The following FNDC3B variants were observed in gnomAD, a reference collection of about 807,000 sequenced individuals.
The protein encoded by FNDC3B is fibronectin type III domain containing 3B, also known as fibronectin type III domain-containing protein 3B.
Under a neutral mutation model 151.5 loss-of-function variants are expected in FNDC3B, and 12 were observed. The observed-to-expected ratio is 0.08, with a 90% confidence interval of 0.05 to 0.13. The LOEUF (loss-of-function observed/expected upper bound fraction) is 0.13. Ranked by LOEUF, FNDC3B falls within the 10% of genes least tolerant of loss-of-function variation. The probability of loss-of-function intolerance (pLI) is 1.00; values close to 1 mark genes in which losing one functional copy is unlikely to be tolerated. For missense variants in FNDC3B, 1,214 were observed against 1,505.3 expected, an observed-to-expected ratio of 0.81 and a Z score of 3.20; for synonymous variants, 528 against 549.0, an observed-to-expected ratio of 0.96 and a Z score of 0.54.
chr3:172,397,385 T>G lies in FNDC3B; in HGVS notation c.3525T>G (p.Thr1175=). ...DDPKMKSMMP[T]DEQFAAIIVL... is the part of the protein sequence containing the mutation. ...CCAAAATGAAGAGCATGATGCCTACTGATGAACAGTTTGCAGCCATCATTG... is the reference window on the plus strand; with the variant it reads ...CCAAAATGAAGAGCATGATGCCTACGGATGAACAGTTTGCAGCCATCATTG... The change falls in exon 26 of 26, where the codon ACT becomes ACG. Residue 1175 remains threonine (T), a synonymous_variant. Transcript: ENST00000415807. The G allele has an allele frequency of 6.2e-7, 1 of 1,614,170 alleles. No homozygotes were observed. Among genetic ancestry groups the G allele is most frequent in the Non-Finnish European group, 8.5e-7 (1 of 1,179,992 alleles).
At chr3:172,237,023 A>G (rs991215060) in intron 4 of FNDC3B, among the ~76,000 whole-genome samples, 1 of 152,220 alleles carries the variant, frequency 6.6e-6, no homozygotes, top group Non-Finnish European at 1.5e-5. Context: ...TAAGACTTAA[A>G]TAAGTGTGAA....
At chr3:172,174,940 C>T (rs576468330) in intron 3 of FNDC3B, among the ~76,000 whole-genome samples, 2 of 62,432 alleles carry the variant, frequency 3.2e-5, no homozygotes, top group African/African-American at 8.8e-5. Context: ...GCCACCCCCC[C>T]CCCCCCAATA....
At chr3:172,303,228 G>A (rs545632007) in intron 9 of FNDC3B, among the ~76,000 whole-genome samples, 4 of 152,152 alleles carry the variant, frequency 2.6e-5, no homozygotes, top group Admixed American at 6.5e-5. Context: ...CTTTATCAGC[G>A]ATAGGATAAT....
chr3:172,077,711 A>C (rs1326780471), intron 1 of FNDC3B, among the ~76,000 whole-genome samples: 1 of 151,420 alleles, frequency 6.6e-6, no homozygotes, highest in Admixed American at 6.6e-5. Context: ...GTTTATAGAA[A>C]TATTTGACTT....
Position 172,307,388 on chromosome 3 carries a change from A to C in FNDC3B, c.1087A>C (p.Lys363Gln). The C allele has an allele frequency of 6.2e-7, 1 of 1,614,106 alleles. No individual in the cohort carries two copies. The highest frequency in any genetic ancestry group is 8.5e-7 in the Non-Finnish European group (1 of 1,180,006). ...VRVYAMYNSV[K>Q]GSCSEPVSFT... The stretch of plus-strand genomic sequence containing the variant: ...GGTGTATGCCATGTACAATTCCGTA[A>C]AGGGATCCTGCTCCGAGCCTGTTAG... Residue 363 changes from lysine to glutamine, a missense_variant, in exon 10 of 26, where the codon AAG (lysine) becomes CAG (glutamine). Physicochemically the swap from Lys to Gln is moderately conservative, Grantham distance 53 (BLOSUM62 1). Transcript: ENST00000415807.
intron 25 of FNDC3B, among the ~76,000 whole-genome samples, chr3:172,391,682 A>T (rs1736015003): frequency 6.6e-6 from 1 of 152,236 alleles, no homozygotes; most frequent in South Asian, 2.1e-4. Context: ...CTCCAACTTG[A>T]TAAACATCCC....
At chr3:172,096,980 C>T (rs1297468070) in intron 1 of FNDC3B, among the ~76,000 whole-genome samples, 1 of 152,144 alleles carries the variant, frequency 6.6e-6, no homozygotes, top group East Asian at 1.9e-4. Context: ...AAATCTCTGA[C>T]CCCACCCTGT....
chr3:172,056,223 A>T (rs187128613), intron 1 of FNDC3B, among the ~76,000 whole-genome samples: 15,947 of 149,796 alleles, frequency 0.11, 930 homozygotes, highest in South Asian at 0.18. Flanking sequence ...TTTTTTTTTT[A>T]AAAAATGTAT....
intron 1 of FNDC3B, among the ~76,000 whole-genome samples, chr3:172,072,578 T>C (rs1490851000): frequency 6.6e-6 from 1 of 152,150 alleles, no homozygotes; most frequent in Non-Finnish European, 1.5e-5. Context: ...GTTAATTCCT[T>C]TGTAGCCAAG....
intron 1 of FNDC3B, among the ~76,000 whole-genome samples, chr3:172,100,368 A>T (rs1719322835): frequency 6.6e-6 from 1 of 152,210 alleles, no homozygotes; most frequent in Non-Finnish European, 1.5e-5. Flanking sequence ...TCAAACACTG[A>T]AATTCACCTA....
chr3:172,359,138 AG>A (rs1484134555), intron 22 of FNDC3B, among the ~76,000 whole-genome samples: 1 of 152,116 alleles, frequency 6.6e-6, no homozygotes, highest in African/African-American at 2.4e-5. Context: ...AATACTAGGG[AG>A]GCTTTGAGGA....
At chr3:172,273,561 A>G (rs1729301722) in intron 6 of FNDC3B, among the ~76,000 whole-genome samples, 2 of 152,210 alleles carry the variant, frequency 1.3e-5, no homozygotes, top group Non-Finnish European at 2.9e-5. Flanking sequence ...TTTTCTGGGT[A>G]GATTAGTGTT....
At chr3:172,330,475 C>T (rs1395809447) in intron 12 of FNDC3B, 66 bp from the exon 13 acceptor site, 6 of 1,431,256 alleles carry the variant, frequency 4.2e-6, no homozygotes, top group Non-Finnish European at 5.8e-6. Flanking sequence ...GCTGAGCCTT[C>T]CTCTTTTAAA....
At chr3:172,314,097 A>C (rs1464102146) in intron 11 of FNDC3B, among the ~76,000 whole-genome samples, 1 of 152,166 alleles carries the variant, frequency 6.6e-6, no homozygotes, top group East Asian at 1.9e-4. Context: ...AGCCAGGTGC[A>C]TCTCTTTGGT....
At chr3:172,303,468 C>T (rs1731037606) in intron 9 of FNDC3B, among the ~76,000 whole-genome samples, 1 of 152,222 alleles carries the variant, frequency 6.6e-6, no homozygotes, top group African/African-American at 2.4e-5. Context: ...TAGTATGTTA[C>T]ATCGTGCTAG....
chr3:172,378,197 A>G, intron 23 of FNDC3B, 73 bp from the exon 24 acceptor site: 2 of 1,375,266 alleles, frequency 1.5e-6, no homozygotes, highest in Non-Finnish European at 2.0e-6. Context: ...CTGCTCCATT[A>G]GTTTGCATCA....
At chr3:172,143,764 C>T (rs992194938) in intron 3 of FNDC3B, among the ~76,000 whole-genome samples, 4 of 151,922 alleles carry the variant, frequency 2.6e-5, no homozygotes, top group Non-Finnish European at 4.4e-5. Context: ...CAAAAATTAG[C>T]TGGGCGTGGT....
chr3:172,292,144 C>T (rs1012829640), intron 7 of FNDC3B, among the ~76,000 whole-genome samples: 9 of 152,240 alleles, frequency 5.9e-5, no homozygotes, highest in African/African-American at 1.4e-4. Context: ...AGGGAAACCT[C>T]GGGCCAAGAG....
intron 16 of FNDC3B, among the ~76,000 whole-genome samples, chr3:172,338,972 C>T (rs894312329): frequency 1.4e-4 from 21 of 151,836 alleles, no homozygotes; most frequent in African/African-American, 4.3e-4. Context: ...CTCCTGACCT[C>T]GTGATCCACC....
Sources: gnomAD v4.1 joint callset for allele counts (sites outside exome capture counted in the v4.1 genomes callset) on GRCh38, gnomAD v4.1.1 for gene constraint, MANE v1.5 for transcripts, NCBI Gene and HGNC (gene_info 2026-07-23, HGNC 2026-07-21) for gene names.